Variants in METTL4 observed in about 807,000 individuals in gnomAD.
METTL4 encodes methyltransferase 4, N6-adenosine.
Under a neutral mutation model 54.0 loss-of-function variants are expected in METTL4, and 40 were observed. The ratio of observed to expected loss-of-function variants is 0.74; its 90% CI spans 0.58 to 0.96. METTL4 has a LOEUF of 0.96. METTL4 is among the 50% of genes least tolerant of loss of function. METTL4 has a pLI of 0.00. For missense variants in METTL4, 525 were observed against 549.0 expected, an observed-to-expected ratio of 0.96 and a Z score of 0.44; for synonymous variants, 169 against 183.8, an observed-to-expected ratio of 0.92 and a Z score of 0.65.
At chr18:2,568,608 T>G (rs1355364479) in intron 1 of METTL4, 1 of 152,198 alleles carries the variant, frequency 6.6e-6, no homozygotes, top group Non-Finnish European at 1.5e-5. Flanking sequence ...AAAAATTAGC[T>G]GGGCTTGGTG....
At position 2,552,778 on chromosome 18, in the gene METTL4, T is replaced by C. The variant is rs142649383; in HGVS notation, c.830-14A>G. On this transcript the variant is annotated splice_polypyrimidine_tract_variant and intron_variant, in intron 4 of 8. Transcript: ENST00000574538. ...ATGTTTTCCTATCTGAAAACAAAGA[T>C]ACAATTTCAGAAAATACCTTCTCTA... 307 of 1,577,280 alleles carry C rather than the reference T, an allele frequency of 1.9e-4. 4 individuals are homozygous for C. In the African/African-American group the frequency reaches 3.5e-3, roughly 18 times the overall value.
chr18:2,563,932 TTA>T, intron 2 of METTL4, 73 bp from the exon 3 acceptor site: 1 of 909,140 alleles, frequency 1.1e-6, no homozygotes, highest in Non-Finnish European at 1.8e-6. Flanking sequence ...ATAACATTAT[TTA>T]TGTCTTATAT....
intron 8 of METTL4, among the ~76,000 whole-genome samples, chr18:2,542,353 C>T (rs1479367389): frequency 8.1e-6 from 1 of 123,662 alleles, no homozygotes; most frequent in African/African-American, 2.9e-5. Context: ...CTATCCCTCC[C>T]CCCTCCCCCC....
At chr18:2,547,898 C>T (rs187977193) in intron 5 of METTL4, among the ~76,000 whole-genome samples, 156 of 152,236 alleles carry the variant, frequency 1.0e-3, no homozygotes, top group African/African-American at 3.3e-3. Flanking sequence ...AGTCTTGAAA[C>T]GAGTCTCTCA....
intron 8 of METTL4, chr18:2,540,360 C>T (rs1242184008): frequency 2.0e-6 from 2 of 980,234 alleles, no homozygotes; most frequent in Admixed American, 6.2e-5. Flanking sequence ...TAAGATTGCG[C>T]TTGGAAGAAA....
At chr18:2,561,235 A>G (rs1233688431) in intron 3 of METTL4, 1 of 152,172 alleles carries the variant, frequency 6.6e-6, no homozygotes, top group Non-Finnish European at 1.5e-5. Context: ...TTTCCACCCT[A>G]CAGAATTAGA....
chr18:2,555,215 C>G (rs919181196), intron 3 of METTL4, 177 bp from the exon 4 acceptor site: 3 of 634,194 alleles, frequency 4.7e-6, no homozygotes, highest in Non-Finnish European at 8.0e-6. Flanking sequence ...TGTTTCCCAA[C>G]TGCAGAGTGA....
intron 7 of METTL4, 75 bp from the exon 8 acceptor site, chr18:2,544,361 T>G: frequency 9.5e-7 from 1 of 1,052,472 alleles, no homozygotes. Context: ...GCTGCATTGA[T>G]TTTTGTTCTC....
chr18:2,565,915 C>T (rs1472707058), intron 2 of METTL4, among the ~76,000 whole-genome samples: 4 of 151,894 alleles, frequency 2.6e-5, no homozygotes, highest in Admixed American at 2.0e-4. Context: ...GGCGTGGTGG[C>T]AAGCGCCTGT....
chr18:2,539,183 G>A (rs1212549907), intron 8 of METTL4, 38 bp from the exon 9 acceptor site: 2 of 1,532,622 alleles, frequency 1.3e-6, no homozygotes, highest in Admixed American at 1.7e-5. Flanking sequence ...AATTATTATT[G>A]AGGAAGGAAT....
chr18:2,554,820 T>C lies in METTL4; in HGVS notation c.678A>G (p.Thr226=), dbSNP rs2072213692. Residue 226 remains threonine (T), a synonymous_variant, in exon 4 of 9, where the codon ACA becomes ACG. Transcript: ENST00000574538. The stretch of plus-strand genomic sequence containing the variant: ...AAAATAAATCCTGTTCTGTAACAGA[T>C]GTATCCTCTTCCACCAATTGTAATG... ...HQTLQLVEED[T]SVTEQDLFLR... 6 of 1,613,846 alleles carry C rather than the reference T, an allele frequency of 3.7e-6. No homozygotes were observed. The highest frequency in any genetic ancestry group is 1.6e-4 in the Middle Eastern group (1 of 6,080).
At chr18:2,557,927 C>G (rs9948895) in intron 3 of METTL4, among the ~76,000 whole-genome samples, 98,869 of 152,008 alleles carry the variant, frequency 0.65, 33,191 homozygotes, top group African/African-American at 0.81. Context: ...GTAATTAGAC[C>G]GATCTTGCAT....
intron 4 of METTL4, 30 bp from the exon 5 acceptor site, chr18:2,552,794 A>G: frequency 6.9e-7 from 1 of 1,449,336 alleles, no homozygotes. Flanking sequence ...TTCAGAAAAT[A>G]CCTTCTCTAT....
chr18:2,545,740 A>G (rs1304499147), intron 6 of METTL4, among the ~76,000 whole-genome samples: 1 of 152,136 alleles, frequency 6.6e-6, no homozygotes, highest in Non-Finnish European at 1.5e-5. Context: ...AATCAGACAC[A>G]GCATATCCTA....
chr18:2,556,844 G>A (rs2072246225), intron 3 of METTL4, among the ~76,000 whole-genome samples: 1 of 152,062 alleles, frequency 6.6e-6, no homozygotes, highest in African/African-American at 2.4e-5. Context: ...GGGGTCAGGG[G>A]AGGAGGAAGA....
chr18:2,565,656 T>C (rs762422387), intron 2 of METTL4, among the ~76,000 whole-genome samples: 6 of 152,196 alleles, frequency 3.9e-5, no homozygotes, highest in African/African-American at 2.4e-5. Context: ...CTTCACCGAA[T>C]TATAAGATCC....
chr18:2,568,977 T>C, intron 1 of METTL4: 1 of 219,918 alleles, frequency 4.5e-6, no homozygotes, highest in Non-Finnish European at 9.6e-6. Flanking sequence ...AAAGGAGTGG[T>C]GGACTCAAGA....
chr18:2,547,401 T>TA lies in METTL4; in HGVS notation c.1027dup (p.Tyr343LeufsTer11). 2 of 1,610,628 alleles carry TA rather than the reference T, an allele frequency of 1.2e-6. No individual in the cohort carries two copies. Among genetic ancestry groups the TA allele is most frequent in the Non-Finnish European group, 1.7e-6 (2 of 1,178,528 alleles). On this transcript the variant is annotated frameshift_variant, in exon 6 of 9. Transcript: ENST00000574538. LOFTEE classifies it high-confidence loss of function. ...AACTACCTCCACAGACCAAGAGGGA[T>TA]AAAGTTCTTCCTTTATAAAACGTAG...
At chr18:2,553,471 G>A (rs1340810905) in intron 4 of METTL4, 1 of 152,194 alleles carries the variant, frequency 6.6e-6, no homozygotes, top group Non-Finnish European at 1.5e-5. Context: ...ATGTTAAAGA[G>A]TCTTTGGTTA....
Sources: gnomAD v4.1 joint callset for allele counts (sites outside exome capture counted in the v4.1 genomes callset) on GRCh38, gnomAD v4.1.1 for gene constraint, MANE v1.5 for transcripts, NCBI Gene and HGNC (gene_info 2026-07-23, HGNC 2026-07-21) for gene names.